KCNMA1: variants seen among roughly 807,000 people sequenced by gnomAD.
KCNMA1 encodes Calcium-activated potassium channel subunit alpha-1.
KCNMA1 carries 29 observed loss-of-function variants against 140.0 expected under a neutral mutation model. The ratio of observed to expected loss-of-function variants is 0.21; its 90% CI spans 0.15 to 0.28. KCNMA1 has a LOEUF of 0.28. KCNMA1 is among the 10% of genes least tolerant of loss of function. KCNMA1 has a pLI of 1.00. For missense variants in KCNMA1, 880 were observed against 1,602.2 expected (o/e 0.55, Z 7.70); for synonymous variants, 612 against 611.9 (o/e 1.00, Z 0.00).
At chr10:77,170,049 G>C (rs536930570) in intron 5 of KCNMA1, among the ~76,000 whole-genome samples, 2 of 152,222 alleles carry the variant, frequency 1.3e-5, no homozygotes, top group East Asian at 3.9e-4. Flanking sequence ...AAATTAGCTG[G>C]GCGTGGTGGT....
At chr10:77,193,618 G>A (rs1278496592) in intron 3 of KCNMA1, among the ~76,000 whole-genome samples, 1 of 152,192 alleles carries the variant, frequency 6.6e-6, no homozygotes, top group East Asian at 1.9e-4. Flanking sequence ...AATGAGCCAT[G>A]TATAGGTATG....
At chr10:77,016,006 C>T (rs560178377) in intron 17 of KCNMA1, among the ~76,000 whole-genome samples, 1 of 152,286 alleles carries the variant, frequency 6.6e-6, no homozygotes, top group African/African-American at 2.4e-5. Context: ...AGCTTAAAGC[C>T]ATCAATGACT....
intron 1 of KCNMA1, among the ~76,000 whole-genome samples, chr10:77,554,752 T>C (rs2063785156): frequency 6.6e-6 from 1 of 152,284 alleles, no homozygotes; most frequent in Admixed American, 6.5e-5. Flanking sequence ...AAGGCCTTCC[T>C]GTTCCTGGAA....
intron 14 of KCNMA1, among the ~76,000 whole-genome samples, chr10:77,056,336 C>T (rs2153651138): frequency 6.6e-6 from 1 of 152,116 alleles, no homozygotes; most frequent in South Asian, 2.1e-4. Context: ...GCTGAGATTG[C>T]ACCACTGCAC....
At chr10:77,563,062 C>CAA (rs35283320) in intron 1 of KCNMA1, among the ~76,000 whole-genome samples, 92 of 147,864 alleles carry the variant, frequency 6.2e-4, no homozygotes, top group East Asian at 1.2e-3. Context: ...GAGACTTGAG[C>CAA]AAAAAAAAAA....
chr10:77,061,733 G>A (rs551488119), intron 14 of KCNMA1, among the ~76,000 whole-genome samples: 9 of 152,210 alleles, frequency 5.9e-5, no homozygotes, highest in African/African-American at 1.7e-4. Flanking sequence ...ATTCATGATC[G>A]CCCCAACTGG....
chr10:77,396,760 A>G (rs11002154), intron 2 of KCNMA1, among the ~76,000 whole-genome samples: 9,618 of 152,322 alleles, frequency 0.063, 384 homozygotes, highest in East Asian at 0.18. Flanking sequence ...AATCATCCCT[A>G]TACATTCAAG....
intron 1 of KCNMA1, chr10:77,636,560 A>C: frequency 4.6e-6 from 7 of 1,536,176 alleles, no homozygotes; most frequent in Non-Finnish European, 6.1e-6. Flanking sequence ...GGTATGTTCC[A>C]CTAGAGCACC....
chr10:77,595,673 T>C (rs192925586), intron 1 of KCNMA1, among the ~76,000 whole-genome samples: 22 of 152,250 alleles, frequency 1.4e-4, no homozygotes, highest in Admixed American at 1.4e-3. Context: ...TTTTGTTTTG[T>C]TTTGTTTTTT....
chr10:76,955,921 G>T (rs2068082455), intron 20 of KCNMA1, among the ~76,000 whole-genome samples: 1 of 152,260 alleles, frequency 6.6e-6, no homozygotes, highest in East Asian at 1.9e-4. Flanking sequence ...AAGATATAGA[G>T]CCAGGTTCAA....
intron 5 of KCNMA1, among the ~76,000 whole-genome samples, chr10:77,161,433 T>C (rs1056137462): frequency 2.0e-5 from 3 of 151,862 alleles, no homozygotes; most frequent in African/African-American, 7.3e-5. Flanking sequence ...TTTGTAGGGA[T>C]GGGGTCTCAC....
At chr10:77,533,465 A>G (rs966484324) in intron 1 of KCNMA1, among the ~76,000 whole-genome samples, 5 of 152,200 alleles carry the variant, frequency 3.3e-5, no homozygotes, top group African/African-American at 1.2e-4. Context: ...GCCAAACAAG[A>G]GGAAGGCAGG....
At chr10:76,884,259 G>C (rs1358896850), downstream of KCNMA1, 2 of 152,138 alleles carry the variant, frequency 1.3e-5, no homozygotes, top group South Asian at 2.1e-4. Flanking sequence ...GTGGGCTACT[G>C]AGTTGATATA....
Position 77,464,968 on chromosome 10 carries a change from C to T in KCNMA1, c.379-60945G>A, listed in dbSNP as rs1023829866. ...CCAATTACCTGCCTTCTGCACAGGA[C>T]GACGGCCGTGTATAAATCAACTTGG... On this transcript the variant is annotated intron_variant, in intron 1 of 27. Transcript: ENST00000286628. 2.6e-4 allele frequency among the ~76,000 whole-genome samples: 39 copies of T among 152,116 alleles called. 1 individual carries two copies. The highest frequency in any genetic ancestry group is 7.5e-4 in the African/African-American group (31 of 41,406).
chr10:77,571,195 T>A (rs2071149087), intron 1 of KCNMA1, among the ~76,000 whole-genome samples: 1 of 152,226 alleles, frequency 6.6e-6, no homozygotes, highest in African/African-American at 2.4e-5. Context: ...CCCTCGGGAA[T>A]CTGATTCTTC....
At chr10:77,549,230 A>G (rs1315275835) in intron 1 of KCNMA1, among the ~76,000 whole-genome samples, 2 of 152,218 alleles carry the variant, frequency 1.3e-5, no homozygotes, top group East Asian at 1.9e-4. Context: ...TAAAAAGGAA[A>G]TATGTGTCCT....
At chr10:76,898,542 C>T (rs559962373) in intron 25 of KCNMA1, among the ~76,000 whole-genome samples, 5 of 151,270 alleles carry the variant, frequency 3.3e-5, no homozygotes, top group African/African-American at 1.2e-4. Flanking sequence ...CCAAAACCAT[C>T]AAATCTCAAT....
At chr10:77,005,971 C>T (rs1593370027) in intron 18 of KCNMA1, among the ~76,000 whole-genome samples, 1 of 152,340 alleles carries the variant, frequency 6.6e-6, no homozygotes, top group East Asian at 1.9e-4. Flanking sequence ...GGTGAAGATG[C>T]AGCTCAGTTA....
intron 2 of KCNMA1, among the ~76,000 whole-genome samples, chr10:77,339,991 G>A (rs577736025): frequency 6.6e-6 from 1 of 152,300 alleles, no homozygotes; most frequent in African/African-American, 2.4e-5. Context: ...ACTAGTGCCA[G>A]AAACCCCTAC....
Sources: allele counts gnomAD v4.1 joint callset (sites outside exome capture counted in the v4.1 genomes callset), GRCh38; gene constraint gnomAD v4.1.1; transcripts MANE v1.5; gene names NCBI Gene and HGNC (gene_info 2026-07-23, HGNC 2026-07-21).